Variants in ACSS3 observed in about 807,000 individuals in gnomAD.
The protein encoded by ACSS3 is acyl-CoA synthetase short chain family member 3.
A neutral mutation model predicts 84.2 loss-of-function variants in ACSS3; 64 were observed. The observed-to-expected ratio is 0.76, with a 90% CI of 0.62 to 0.94. ACSS3 has a LOEUF of 0.94. ACSS3 is among the 40% of genes least tolerant of loss of function. The pLI is 0.00. For missense variants in ACSS3, 815 were observed against 867.6 expected, an observed-to-expected ratio of 0.94 and a Z score of 0.76; for synonymous variants, 317 against 310.1, an observed-to-expected ratio of 1.02 and a Z score of -0.23.
In ACSS3 at chr12:81,259,739, C is replaced by A; in HGVS notation, c.*4817C>A. ...TCTCATTCTACTCCTCTGTGGTGTA[C>A]CTCCACGCAGCCTGCTTACTCCTGT... On this transcript the variant is annotated 3_prime_UTR_variant, in exon 16 of 16. Coordinates refer to ENST00000548058, the MANE Select transcript of ACSS3 (RefSeq NM_024560.4). 7.8e-7 allele frequency: 1 copy of A among 1,279,710 alleles called. No homozygotes were observed. Among genetic ancestry groups the A allele is most frequent in the Non-Finnish European group, 1.1e-6 (1 of 919,904 alleles). 79.3% of individuals were successfully genotyped at this position (1,279,710 alleles called of 1,614,324 possible). A position where few individuals can be genotyped will look rare whatever the true frequency, so the allele number is the denominator to read the frequency against.
At chr12:81,211,467 G>A (rs987420219) in intron 9 of ACSS3, among the ~76,000 whole-genome samples, 1 of 152,036 alleles carries the variant, frequency 6.6e-6, no homozygotes, top group African/African-American at 2.4e-5. Flanking sequence ...ATAACAAAAG[G>A]GATTATCTTT....
chr12:81,161,845 G>A (rs569013129), intron 7 of ACSS3, among the ~76,000 whole-genome samples: 2 of 151,968 alleles, frequency 1.3e-5, no homozygotes, highest in African/African-American at 4.8e-5. Flanking sequence ...ACACAGTCAG[G>A]CACACTGGTT....
Position 81,233,356 on chromosome 12 carries a change from A to G in ACSS3, c.1604A>G (p.Tyr535Cys), listed in dbSNP as rs765091230. 1.2e-6 allele frequency: 2 copies of G among 1,610,338 alleles called. No homozygotes were observed. The highest frequency in any genetic ancestry group is 1.7e-6 in the Non-Finnish European group (2 of 1,177,390). Residue 535 changes from tyrosine (Y) to cysteine (C), a missense_variant, in exon 13 of 16, where the codon TAT (tyrosine) becomes TGT (cysteine). Physicochemically the swap from Tyr to Cys is radical, Grantham distance 194 (BLOSUM62 -2). Transcript: ENST00000548058. ...HLYFEKFPGY[Y>C]DTMDAGYMDE... ...ATTTTTTCTTGTTTTCAGGGATATTATGATACCATGGATGCTGGTTACATG... is the reference window on the plus strand; with the variant it reads ...ATTTTTTCTTGTTTTCAGGGATATTGTGATACCATGGATGCTGGTTACATG...
chr12:81,096,736 C>T, intron 1 of ACSS3, among the ~76,000 whole-genome samples: 1 of 149,808 alleles, frequency 6.7e-6, no homozygotes, highest in Non-Finnish European at 1.5e-5. Flanking sequence ...GTTTTCTGTT[C>T]CTGTGTTAGT....
At chr12:81,199,537 T>C (rs1565716853) in intron 9 of ACSS3, 93 bp downstream of exon 9, 1 of 1,474,250 alleles carries the variant, frequency 6.8e-7, no homozygotes, top group Non-Finnish European at 9.3e-7. Context: ...GACCAGCAGA[T>C]CAGACACAAA....
At chr12:81,240,421 T>C (rs190608033) in intron 13 of ACSS3, among the ~76,000 whole-genome samples, 224 of 152,188 alleles carry the variant, frequency 1.5e-3, no homozygotes, top group Non-Finnish European at 1.4e-3. Flanking sequence ...TTACTTTTAA[T>C]CTATATGTAT....
chr12:81,216,981 G>A lies in ACSS3; in HGVS notation c.1435G>A (p.Val479Ile), dbSNP rs769257656. The A allele has an allele frequency of 9.9e-6, 16 of 1,609,774 alleles. No homozygotes were observed. Among genetic ancestry groups the A allele is most frequent in the East Asian group, 4.5e-5 (2 of 44,760 alleles). Residue 479 changes from valine (V) to isoleucine (I), a missense_variant, in exon 10 of 16, where the codon GTC (valine) becomes ATC (isoleucine). Physicochemically the swap from Val to Ile is conservative, Grantham distance 29 (BLOSUM62 3). Transcript: ENST00000548058. ...TPPPGQAGKS[V>I]PGYNVMILDD... Reference sequence around the variant, plus strand: ...TCCACCAGGGCAAGCAGGAAAAAGCGTCCCAGGATACAATGGTAAGGAATG... The same window carrying A: ...TCCACCAGGGCAAGCAGGAAAAAGCATCCCAGGATACAATGGTAAGGAATG...
At chr12:81,188,517 T>C (rs1476234494) in intron 8 of ACSS3, among the ~76,000 whole-genome samples, 1 of 152,070 alleles carries the variant, frequency 6.6e-6, no homozygotes, top group African/African-American at 2.4e-5. Context: ...TTCCCAACCA[T>C]TATCTCTTCT....
At chr12:81,189,035 A>G (rs1030750149) in intron 8 of ACSS3, among the ~76,000 whole-genome samples, 1 of 152,090 alleles carries the variant, frequency 6.6e-6, no homozygotes, top group African/African-American at 2.4e-5. Context: ...TTTAACTGAA[A>G]TATTGTAGCC....
intron 13 of ACSS3, among the ~76,000 whole-genome samples, chr12:81,241,047 C>T (rs1414616251): frequency 7.1e-6 from 1 of 140,584 alleles, no homozygotes; most frequent in African/African-American, 2.6e-5. Flanking sequence ...CATGTGTTCT[C>T]ATTGTTCAAT....
At chr12:81,212,667 C>A (rs543353881) in intron 9 of ACSS3, among the ~76,000 whole-genome samples, 2 of 152,112 alleles carry the variant, frequency 1.3e-5, no homozygotes, top group African/African-American at 2.4e-5. Flanking sequence ...AAGCACTCGA[C>A]TCTTGGTATA....
At chr12:81,155,893 C>T (rs1028530462) in intron 7 of ACSS3, among the ~76,000 whole-genome samples, 1 of 152,124 alleles carries the variant, frequency 6.6e-6, no homozygotes, top group Admixed American at 6.5e-5. Flanking sequence ...TTGACATCAT[C>T]AACCAACAAG....
chr12:81,131,983 G>T (rs1390903274), intron 2 of ACSS3, among the ~76,000 whole-genome samples: 1 of 152,196 alleles, frequency 6.6e-6, no homozygotes, highest in African/African-American at 2.4e-5. Flanking sequence ...AAGCCAACTT[G>T]ATCATGGTGG....
chr12:81,161,698 G>A (rs1444284017), intron 7 of ACSS3, among the ~76,000 whole-genome samples: 1 of 152,112 alleles, frequency 6.6e-6, no homozygotes, highest in Non-Finnish European at 1.5e-5. Flanking sequence ...GAGCCTGCTG[G>A]GCTCTCTCTG....
At chr12:81,222,682 A>T (rs1446339266) in intron 11 of ACSS3, among the ~76,000 whole-genome samples, 1 of 151,978 alleles carries the variant, frequency 6.6e-6, no homozygotes, top group East Asian at 1.9e-4. Context: ...ATCCACCTAG[A>T]TTTTTCTACA....
chr12:81,231,785 T>C (rs1380030736), intron 12 of ACSS3, among the ~76,000 whole-genome samples: 2 of 151,786 alleles, frequency 1.3e-5, no homozygotes, highest in African/African-American at 4.8e-5. Flanking sequence ...GTGATGTGTG[T>C]TATGTTTATA....
intron 2 of ACSS3, among the ~76,000 whole-genome samples, chr12:81,112,479 C>T (rs762527725): frequency 1.3e-5 from 2 of 152,130 alleles, no homozygotes; most frequent in African/African-American, 2.4e-5. Flanking sequence ...TCTGCTAACT[C>T]ATCTTTCAAA....
At chr12:81,222,120 A>T (rs2033132156) in intron 11 of ACSS3, among the ~76,000 whole-genome samples, 1 of 152,076 alleles carries the variant, frequency 6.6e-6, no homozygotes, top group African/African-American at 2.4e-5. Flanking sequence ...TATGGTTTAG[A>T]TTGTCACCAA....
chr12:81,120,745 T>A (rs1884518822), intron 2 of ACSS3, among the ~76,000 whole-genome samples: 1 of 152,204 alleles, frequency 6.6e-6, no homozygotes, highest in Non-Finnish European at 1.5e-5. Context: ...TAAATCTGAA[T>A]AAATCAATAT....
Sources: gnomAD v4.1 joint callset for allele counts (sites outside exome capture counted in the v4.1 genomes callset) on GRCh38, gnomAD v4.1.1 for gene constraint, MANE v1.5 for transcripts, NCBI Gene and HGNC (gene_info 2026-07-23, HGNC 2026-07-21) for gene names.